The following PUM1 variants were observed in gnomAD, a reference collection of about 807,000 sequenced individuals.
PUM1 encodes the protein pumilio RNA binding family member 1.
A neutral mutation model predicts 131.8 loss-of-function variants in PUM1; 13 were observed. The ratio of observed to expected loss-of-function variants is 0.10; its 90% CI spans 0.06 to 0.16. The LOEUF (loss-of-function observed/expected upper bound fraction) is 0.16. Among genes scored for constraint, PUM1 ranks in the 10% least tolerant of loss-of-function variants. The pLI, the probability that PUM1 is intolerant of heterozygous loss-of-function variation, is 1.00. For missense variants in PUM1, 961 were observed against 1,512.4 expected (o/e 0.64, Z 6.05); for synonymous variants, 509 against 556.5 (o/e 0.91, Z 1.20).
chr1:31,011,747 T>C (rs1255391898), intron 3 of PUM1, among the ~76,000 whole-genome samples: 1 of 152,182 alleles, frequency 6.6e-6, no homozygotes, highest in Non-Finnish European at 1.5e-5. Flanking sequence ...TATGAAAAGA[T>C]AGTTCCTATC....
intron 10 of PUM1, among the ~76,000 whole-genome samples, chr1:30,969,158 G>A (rs1258449025): frequency 6.6e-6 from 1 of 151,874 alleles, no homozygotes; most frequent in East Asian, 1.9e-4. Flanking sequence ...ACAAAAATTA[G>A]CCAGGCGTGG....
At chr1:30,985,373 C>G (rs539960680) in intron 7 of PUM1, among the ~76,000 whole-genome samples, 1 of 152,244 alleles carries the variant, frequency 6.6e-6, no homozygotes, top group East Asian at 1.9e-4. Flanking sequence ...TCTAAATCAG[C>G]CAGGCAAAGT....
chr1:31,027,549 T>C (rs921376085), intron 3 of PUM1, among the ~76,000 whole-genome samples: 2 of 152,134 alleles, frequency 1.3e-5, no homozygotes, highest in Non-Finnish European at 2.9e-5. Context: ...CCCAATCATC[T>C]CCTAAAGCTC....
chr1:30,973,491 T>C (rs997401572), intron 10 of PUM1, among the ~76,000 whole-genome samples: 1 of 152,168 alleles, frequency 6.6e-6, no homozygotes, highest in African/African-American at 2.4e-5. Flanking sequence ...ATCAATCTCA[T>C]TTAAAACACC....
At chr1:30,986,584 T>C (rs1641569989) in intron 7 of PUM1, among the ~76,000 whole-genome samples, 1 of 152,028 alleles carries the variant, frequency 6.6e-6, no homozygotes, top group Non-Finnish European at 1.5e-5. Flanking sequence ...TCATCATCTG[T>C]GCATTTCTTT....
chr1:31,035,687 G>C (rs1287875091), intron 2 of PUM1, among the ~76,000 whole-genome samples: 1 of 152,060 alleles, frequency 6.6e-6, no homozygotes, highest in African/African-American at 2.4e-5. Context: ...GGAGGCAGAG[G>C]TTGCAGTGAA....
At chr1:31,036,467 TTTCGAGGCCAAGGCAGGAGGATCACTTGA>T (rs1352424337) in intron 2 of PUM1, among the ~76,000 whole-genome samples, 1 of 152,142 alleles carries the variant, frequency 6.6e-6, no homozygotes, top group Non-Finnish European at 1.5e-5. Context: ...TGGCCAGTAC[TTTCGAGGCCAAGGCAGGAGGATCACTTGA>T]GGCGAGGCCA....
At chr1:31,033,819 AT>A (rs937856714) in intron 2 of PUM1, among the ~76,000 whole-genome samples, 1 of 151,818 alleles carries the variant, frequency 6.6e-6, no homozygotes, top group African/African-American at 2.4e-5. Flanking sequence ...ATTGTTTTTA[AT>A]TTTTTTGTAG....
At chr1:31,008,022 G>A (rs1289487995) in intron 3 of PUM1, among the ~76,000 whole-genome samples, 1 of 152,048 alleles carries the variant, frequency 6.6e-6, no homozygotes, top group African/African-American at 2.4e-5. Context: ...CTATTACACA[G>A]GAAACTAAGA....
In PUM1 at chr1:31,019,095, G is replaced by A. The variant is rs569243700; in HGVS notation, c.432+9701C>T. Among the ~76,000 whole-genome samples, 23 of 152,322 alleles carry A rather than the reference G, an allele frequency of 1.5e-4. No individual in the cohort carries two copies. In the East Asian group the frequency reaches 4.2e-3, roughly 28 times the overall value. On this transcript the variant is annotated intron_variant, in intron 3 of 21. Coordinates refer to ENST00000426105, the MANE Select transcript of PUM1 (RefSeq NM_001020658.2). ...AGGTCGGGTGTGGTGGCTCATGCCT[G>A]TAATCCTAGCTCTTTGGGAGGCTGA...
At chr1:30,943,956 A>G (rs974541117) in intron 18 of PUM1, among the ~76,000 whole-genome samples, 4 of 152,090 alleles carry the variant, frequency 2.6e-5, no homozygotes, top group African/African-American at 9.7e-5. Flanking sequence ...ATCATGTTGT[A>G]TTGTTTTCTT....
intron 4 of PUM1, 36 bp from the exon 5 acceptor site, chr1:31,006,067 C>G (rs1557582002): frequency 6.6e-7 from 1 of 1,510,650 alleles, no homozygotes; most frequent in African/African-American, 1.4e-5. Context: ...TACAGTGCAG[C>G]CAGAGGCTCA....
At chr1:30,945,570 T>C (rs899472415) in intron 17 of PUM1, 87 bp from the exon 18 acceptor site, 32 of 1,390,352 alleles carry the variant, frequency 2.3e-5, no homozygotes, top group Non-Finnish European at 2.7e-5. Context: ...ATGAAAGCAC[T>C]ACTGAACAGA....
At chr1:31,014,540 C>T (rs1339763898) in intron 3 of PUM1, among the ~76,000 whole-genome samples, 1 of 151,682 alleles carries the variant, frequency 6.6e-6, no homozygotes, top group African/African-American at 2.4e-5. Context: ...GTAATCTCAG[C>T]ACTTTGGGAG....
At chr1:31,008,812 A>ACT (rs1469510513) in intron 3 of PUM1, among the ~76,000 whole-genome samples, 2 of 152,162 alleles carry the variant, frequency 1.3e-5, no homozygotes, top group Middle Eastern at 3.4e-3. Flanking sequence ...ATTAATGTAA[A>ACT]CTATGCAAAG....
chr1:31,034,543 T>A (rs930013570), intron 2 of PUM1, among the ~76,000 whole-genome samples: 1 of 152,076 alleles, frequency 6.6e-6, no homozygotes, highest in Non-Finnish European at 1.5e-5. Context: ...GCAGTCAACA[T>A]AGAGAAAAGA....
chr1:31,043,212 C>CT (rs35914317), intron 2 of PUM1, among the ~76,000 whole-genome samples: 38,392 of 150,728 alleles, frequency 0.25, 5,810 homozygotes, highest in East Asian at 0.53. Flanking sequence ...AGAACATTTC[C>CT]TTTTTTTTTG....
intron 14 of PUM1, among the ~76,000 whole-genome samples, chr1:30,961,327 T>C (rs1415950232): frequency 1.4e-5 from 2 of 143,414 alleles, no homozygotes; most frequent in South Asian, 2.2e-4. Context: ...CTGACCAACA[T>C]AGCAAGACTT....
At chr1:30,993,330 A>G (rs1316664483) in intron 6 of PUM1, among the ~76,000 whole-genome samples, 3 of 146,344 alleles carry the variant, frequency 2.0e-5, no homozygotes, top group Non-Finnish European at 4.5e-5. Context: ...AAACCAGGAC[A>G]TGCCTAAGAT....
Sources: allele counts gnomAD v4.1 joint callset (sites outside exome capture counted in the v4.1 genomes callset), GRCh38; gene constraint gnomAD v4.1.1; transcripts MANE v1.5; gene names NCBI Gene and HGNC (gene_info 2026-07-23, HGNC 2026-07-21).